The following CEP170 variants were observed in gnomAD, a reference collection of about 807,000 sequenced individuals.
CEP170 encodes the protein centrosomal protein of 170 kDa.
In CEP170, 21 loss-of-function variants were observed where a neutral mutation model predicts 151.9. The ratio of observed to expected loss-of-function variants is 0.14; its 90% CI spans 0.10 to 0.20. CEP170 has a LOEUF of 0.20. Ranked by LOEUF, CEP170 falls within the 10% of genes least tolerant of loss-of-function variation. The pLI is 1.00. For missense variants in CEP170, 964 were observed against 1,892.9 expected, an observed-to-expected ratio of 0.51 and a Z score of 9.11; for synonymous variants, 356 against 648.8, an observed-to-expected ratio of 0.55 and a Z score of 6.86.
intron 1 of CEP170, among the ~76,000 whole-genome samples, chr1:243,225,557 G>T (rs572721141): frequency 2.6e-5 from 4 of 152,132 alleles, no homozygotes; most frequent in Non-Finnish European, 5.9e-5. Flanking sequence ...CAGTAAGTGG[G>T]TGCTCAACTA....
At chr1:243,129,177 T>C (rs2148162068) in intron 18 of CEP170, among the ~76,000 whole-genome samples, 183 bp downstream of exon 18, 1 of 152,204 alleles carries the variant, frequency 6.6e-6, no homozygotes, top group Non-Finnish European at 1.5e-5. Context: ...TCATACCCTC[T>C]GCAACTTTGA....
At chr1:243,230,072 CG>C (rs2149051775) in intron 1 of CEP170, among the ~76,000 whole-genome samples, 1 of 152,226 alleles carries the variant, frequency 6.6e-6, no homozygotes, top group South Asian at 2.1e-4. Flanking sequence ...TAGTTCTCAC[CG>C]GGCATGGTAG....
At chr1:243,207,678 A>G (rs904187936) in intron 4 of CEP170, among the ~76,000 whole-genome samples, 6 of 151,316 alleles carry the variant, frequency 4.0e-5, no homozygotes, top group Non-Finnish European at 7.4e-5. Flanking sequence ...TGAGACATAC[A>G]AAGTATGTTC....
At chr1:243,132,746 G>A (rs566246908) in intron 17 of CEP170, among the ~76,000 whole-genome samples, 19 of 152,264 alleles carry the variant, frequency 1.2e-4, no homozygotes, top group South Asian at 2.1e-4. Context: ...AAGCTGCTCC[G>A]TGGTAAGGAA....
rs888168920 is a variant in CEP170 at position 243,255,199 on chromosome 1, G to T, written c.-201C>A. On this transcript the variant is annotated 5_prime_UTR_variant, in exon 1 of 20. Coordinates refer to ENST00000366542, the MANE Select transcript of CEP170 (RefSeq NM_014812.3). ...GCTCCGGGGCCCTCAGCTCCGCTGGGCAATAACGTTATTCCACACACGCCC... is the reference window on the plus strand; with the variant it reads ...GCTCCGGGGCCCTCAGCTCCGCTGGTCAATAACGTTATTCCACACACGCCC... 5 of 152,898 alleles carry T rather than the reference G, an allele frequency of 3.3e-5. No homozygotes were observed. 9.5% of individuals were successfully genotyped at this position (152,898 alleles called of 1,614,324 possible).
In CEP170 at chr1:243,170,872, T is replaced by G. The variant is rs188641172; in HGVS notation, c.1717-1118A>C. ...AAGGATACCAAAGCCTGCTGCATCC[T>G]TAATCCCATCCAAGGTTTTCTGTTA... On this transcript the variant is annotated intron_variant, in intron 11 of 19. Coordinates refer to ENST00000366542, the MANE Select transcript of CEP170 (RefSeq NM_014812.3). 2.2e-3 allele frequency among the ~76,000 whole-genome samples: 333 copies of G among 152,326 alleles called. 2 individuals carry two copies. The highest frequency in any genetic ancestry group is 7.7e-3 in the African/African-American group (320 of 41,584).
intron 1 of CEP170, among the ~76,000 whole-genome samples, chr1:243,237,668 G>A (rs771228048): frequency 5.9e-5 from 9 of 152,178 alleles, no homozygotes; most frequent in East Asian, 1.9e-4. Context: ...TTGGGAGGCC[G>A]AGGAGGGTGG....
intron 13 of CEP170, among the ~76,000 whole-genome samples, chr1:243,159,673 G>C (rs1005813663): frequency 5.9e-5 from 9 of 151,894 alleles, no homozygotes; most frequent in African/African-American, 2.2e-4. Flanking sequence ...TGAAATCAAA[G>C]TATAAGCCAG....
chr1:243,150,218 T>C (rs1218629821), intron 14 of CEP170, among the ~76,000 whole-genome samples: 1 of 152,208 alleles, frequency 6.6e-6, no homozygotes, highest in Non-Finnish European at 1.5e-5. Context: ...TGGCGTGATC[T>C]CGGCTCACTG....
chr1:243,250,656 A>T (rs1319031219), intron 1 of CEP170, among the ~76,000 whole-genome samples: 5 of 152,268 alleles, frequency 3.3e-5, no homozygotes, highest in Non-Finnish European at 7.3e-5. Flanking sequence ...TGTTACTAAC[A>T]CTATCATTTA....
chr1:243,233,291 G>C (rs2063924103), intron 1 of CEP170, among the ~76,000 whole-genome samples: 1 of 152,098 alleles, frequency 6.6e-6, no homozygotes, highest in African/African-American at 2.4e-5. Context: ...CTAAATCAGA[G>C]TTCTTTTCAT....
chr1:243,212,970 A>G (rs1268824241), intron 3 of CEP170, among the ~76,000 whole-genome samples: 3 of 152,150 alleles, frequency 2.0e-5, no homozygotes, highest in African/African-American at 7.2e-5. Flanking sequence ...TGGCCAAATT[A>G]TATTTTCTAG....
intron 1 of CEP170, among the ~76,000 whole-genome samples, chr1:243,233,662 G>A (rs1572549725): frequency 6.7e-6 from 1 of 150,346 alleles, no homozygotes; most frequent in Admixed American, 6.6e-5. Context: ...GAACCCAGGA[G>A]GCGGAGCTTA....
At chr1:243,128,565 A>G in intron 18 of CEP170, 1 of 375,148 alleles carries the variant, frequency 2.7e-6, no homozygotes. Context: ...CTACTATTTA[A>G]GCAAAGATTT....
chr1:243,151,060 C>T (rs573245394), intron 14 of CEP170, among the ~76,000 whole-genome samples: 5 of 152,268 alleles, frequency 3.3e-5, no homozygotes, highest in Admixed American at 2.0e-4. Flanking sequence ...CTCACCATTC[C>T]GTGGTGATAC....
chr1:243,191,566 C>T (rs1263184641), intron 7 of CEP170, 72 bp from the exon 8 acceptor site: 8 of 1,285,782 alleles, frequency 6.2e-6, no homozygotes, highest in African/African-American at 1.5e-5. Context: ...TGGTAATGGC[C>T]ATGTGTACTA....
chr1:243,183,464 T>G lies in CEP170; in HGVS notation c.1566+2315A>C, dbSNP rs201623393. On this transcript the variant is annotated intron_variant, in intron 10 of 19. Transcript: ENST00000366542. ...TCCTATCCTCCCAAAGTGCTTTTTCTGCCTTCCTTCTGGCTGTTGTTGGTC... is the reference window on the plus strand; with the variant it reads ...TCCTATCCTCCCAAAGTGCTTTTTCGGCCTTCCTTCTGGCTGTTGTTGGTC... Among the ~76,000 whole-genome samples the G allele has an allele frequency of 2.6e-4, 39 of 152,276 alleles. No individual in the cohort carries two copies. In the East Asian group the frequency reaches 7.5e-3, roughly 29 times the overall value.
intron 14 of CEP170, among the ~76,000 whole-genome samples, chr1:243,151,610 G>C (rs1428033967): frequency 6.6e-6 from 1 of 152,290 alleles, no homozygotes; most frequent in Non-Finnish European, 1.5e-5. Context: ...AAAGTTTGCA[G>C]AGGTTGGTTC....
At chr1:243,147,463 T>C (rs2056634067) in intron 14 of CEP170, among the ~76,000 whole-genome samples, 1 of 152,226 alleles carries the variant, frequency 6.6e-6, no homozygotes, top group African/African-American at 2.4e-5. Flanking sequence ...GTGTTACCAC[T>C]GTAAACAGCT....
Sources: allele counts gnomAD v4.1 joint callset (sites outside exome capture counted in the v4.1 genomes callset), GRCh38; gene constraint gnomAD v4.1.1; transcripts MANE v1.5; gene names NCBI Gene and HGNC (gene_info 2026-07-23, HGNC 2026-07-21).